The following TBCD variants were observed in gnomAD, a reference collection of about 807,000 sequenced individuals.
TBCD encodes the protein tubulin-specific chaperone D.
Under a neutral mutation model 169.3 loss-of-function variants are expected in TBCD, and 105 were observed. The ratio of observed to expected loss-of-function variants is 0.62; its 90% CI spans 0.53 to 0.73. TBCD has a LOEUF of 0.73. Ranked by LOEUF, TBCD falls within the 30% of genes least tolerant of loss-of-function variation. The pLI, the probability that TBCD is intolerant of heterozygous loss-of-function variation, is 0.00. For synonymous variants in TBCD, 700 were observed against 643.9 expected, an observed-to-expected ratio of 1.09 and a Z score of -1.32; for missense variants, 1,444 against 1,600.1, an observed-to-expected ratio of 0.90 and a Z score of 1.66.
Position 82,930,549 on chromosome 17 carries a change from G to A in TBCD, c.3019G>A (p.Glu1007Lys). The A allele has an allele frequency of 6.2e-7, 1 of 1,613,726 alleles. No homozygotes were observed. The highest frequency in any genetic ancestry group is 8.5e-7 in the Non-Finnish European group (1 of 1,179,824). The part of the protein sequence containing the change: ...TIRHSTQSLF[E>K]YMKGIQSDPQ... Reference sequence around the variant, plus strand: ...CCGGCACTCCACCCAGAGCCTCTTTGAGTACATGAAGGGCATTCAGAGCGA... The same window carrying A: ...CCGGCACTCCACCCAGAGCCTCTTTAAGTACATGAAGGGCATTCAGAGCGA... The change falls in exon 33 of 39, where the codon GAG becomes AAG. Residue 1007 changes from glutamate (E) to lysine (K), a missense_variant. Transcript: ENST00000355528. The surrounding 1 kb of genome is among the most constrained non-coding windows in gnomAD (Gnocchi z 5.2).
chr17:82,871,188 A>G (rs2145978242), intron 14 of TBCD, among the ~76,000 whole-genome samples: 1 of 149,990 alleles, frequency 6.7e-6, no homozygotes, highest in South Asian at 2.1e-4. Context: ...GTCCTGTGCC[A>G]GGGACTTTCA....
intron 13 of TBCD, among the ~76,000 whole-genome samples, chr17:82,822,547 G>A (rs573586641): frequency 1.3e-5 from 2 of 152,288 alleles, no homozygotes; most frequent in Admixed American, 6.5e-5. Context: ...GCGCCTGGGG[G>A]CCAGATCCTA....
chr17:82,921,441 TTGTTTTTGATTTCATGG>T, intron 24 of TBCD, 43 bp from the exon 25 acceptor site: 1 of 1,380,864 alleles, frequency 7.2e-7, no homozygotes, highest in Non-Finnish European at 1.0e-6. Context: ...GTTTTTGCTG[TTGTTTTTGATTTCATGG>T]TGTTTTTGAT....
At chr17:82,804,331 C>T (rs2050797193) in intron 9 of TBCD, among the ~76,000 whole-genome samples, 1 of 152,158 alleles carries the variant, frequency 6.6e-6, no homozygotes, top group Non-Finnish European at 1.5e-5. Context: ...ACTTTTTCCT[C>T]ACAGTTTTGG....
rs541755176 is a variant in TBCD, at chr17:82,864,825, C to T, written c.1319-5399C>T. 1.9e-4 allele frequency among the ~76,000 whole-genome samples: 15 copies of T among 79,580 alleles called. No homozygotes were observed. The highest frequency in any genetic ancestry group is 4.1e-4 in the Admixed American group (3 of 7,336). 52.2% of individuals were successfully genotyped at this position (79,580 alleles called of 152,430 possible). ...CTGGGATCACCACTCCCCGGGGCAC[C>T]GTGGGGACAGCGGGGGCCTGCTCAC... is the stretch of plus-strand genomic sequence containing the variant. On this transcript the variant is annotated intron_variant, in intron 13 of 38. Transcript: ENST00000355528. The surrounding 1 kb of genome is among the most constrained non-coding windows in gnomAD (Gnocchi z 6.3).
Position 82,925,964 on chromosome 17 carries a change from CCGT to C in TBCD, c.2380-435_2380-433del, listed in dbSNP as rs1568061039. On this transcript the variant is annotated intron_variant, in intron 27 of 38. Transcript: ENST00000355528. ...TGTCCTTCCTGGGTTGTACTGGGGG[CCGT>C]GGAGAGGCTGGAGGTGACCTCTCCC... Among the ~76,000 whole-genome samples, 919 of 126,654 alleles carry C rather than the reference CCGT, an allele frequency of 7.3e-3. 76 individuals are homozygous for C. Among genetic ancestry groups the C allele is most frequent in the Middle Eastern group, 0.012 (3 of 248 alleles). 83.1% of individuals were successfully genotyped at this position (126,654 alleles called of 152,430 possible).
At chr17:82,932,769 TTAAGCC>T (rs751414301) in intron 34 of TBCD, 34 bp downstream of exon 34, 6 of 1,605,950 alleles carry the variant, frequency 3.7e-6, no homozygotes, top group Non-Finnish European at 5.1e-6. Context: ...TCCTTTCCGA[TTAAGCC>T]TAAGTAGCTC....
intron 13 of TBCD, chr17:82,859,960 C>A: frequency 1.1e-6 from 1 of 915,740 alleles, no homozygotes; most frequent in Non-Finnish European, 1.3e-6. Context: ...GCCTCGTGGT[C>A]CTGCTCTTGG....
intron 35 of TBCD, 57 bp downstream of exon 35, chr17:82,937,417 C>CT: frequency 6.6e-7 from 1 of 1,524,872 alleles, no homozygotes; most frequent in Non-Finnish European, 9.1e-7. Context: ...CCTCCCTTGG[C>CT]TGAGGGCAGG....
At chr17:82,774,541 C>G (rs1253967572) in intron 6 of TBCD, among the ~76,000 whole-genome samples, 1 of 152,238 alleles carries the variant, frequency 6.6e-6, no homozygotes, top group Non-Finnish European at 1.5e-5. Flanking sequence ...GTCATCATGG[C>G]CCGTTCTCAA....
intron 1 of TBCD, 77 bp from the exon 2 acceptor site, chr17:82,756,088 G>T: frequency 1.5e-6 from 2 of 1,334,730 alleles, no homozygotes; most frequent in South Asian, 1.3e-5. Context: ...AAGCTAGCAA[G>T]GGAAAATGGG....
intron 34 of TBCD, among the ~76,000 whole-genome samples, chr17:82,935,898 C>T (rs1475652521): frequency 6.6e-6 from 1 of 152,254 alleles, no homozygotes; most frequent in Non-Finnish European, 1.5e-5. Flanking sequence ...TGGATTTCCT[C>T]GAGTGGGGTC....
intron 1 of TBCD, among the ~76,000 whole-genome samples, chr17:82,753,173 T>C (rs1014505135): frequency 6.6e-6 from 1 of 152,184 alleles, no homozygotes; most frequent in African/African-American, 2.4e-5. Flanking sequence ...TTATTTGGCC[T>C]TCCTCATTTT....
intron 15 of TBCD, among the ~76,000 whole-genome samples, chr17:82,886,885 G>T (rs1421118184): frequency 1.3e-5 from 2 of 151,276 alleles, no homozygotes; most frequent in Admixed American, 6.6e-5. Flanking sequence ...GGCCAGGATG[G>T]TCTCGAACTC....
At chr17:82,928,335 C>G (rs1007167958) in intron 30 of TBCD, among the ~76,000 whole-genome samples, 1 of 152,228 alleles carries the variant, frequency 6.6e-6, no homozygotes, top group Admixed American at 6.5e-5. Flanking sequence ...GGACCCTGAA[C>G]CTGGGGGTCT....
intron 9 of TBCD, among the ~76,000 whole-genome samples, chr17:82,803,470 A>G (rs975990917): frequency 2.0e-5 from 3 of 152,090 alleles, no homozygotes; most frequent in Admixed American, 2.0e-4. Context: ...ATCCAAGGGA[A>G]TTTTTGGGCA....
chr17:82,756,092 A>G, intron 1 of TBCD, 73 bp from the exon 2 acceptor site: 2 of 1,370,974 alleles, frequency 1.5e-6, no homozygotes, highest in Admixed American at 3.9e-5. Context: ...TAGCAAGGGA[A>G]AATGGGGTTT....
chr17:82,789,951 C>T lies in TBCD; in HGVS notation c.772-7806C>T, dbSNP rs747441636. On this transcript the variant is annotated intron_variant, in intron 7 of 38. Transcript: ENST00000355528. This position sits in a 1 kb window ranked among gnomAD's most constrained non-coding sequence, Gnocchi z 4.8. ...ACGGCCCAGGAGCCGGGCTCATCCC[C>T]GAGACGCCGTGTTCCCTCCCGCTGT... is the stretch of plus-strand genomic sequence containing the variant. Among the ~76,000 whole-genome samples the T allele has an allele frequency of 6.6e-6, 1 of 152,206 alleles. No homozygotes were observed. The highest frequency in any genetic ancestry group is 1.5e-5 in the Non-Finnish European group (1 of 68,046).
intron 21 of TBCD, chr17:82,908,550 A>G (rs1490595409): frequency 6.2e-6 from 2 of 322,328 alleles, no homozygotes; most frequent in African/African-American, 2.2e-5. Flanking sequence ...TTTAAGATTC[A>G]GCTCGGATTC....
Sources: gnomAD v4.1 joint callset for allele counts (sites outside exome capture counted in the v4.1 genomes callset) on GRCh38, gnomAD v4.1.1 for gene constraint, Gnocchi (gnomAD v3.1) non-coding constraint, MANE v1.5 for transcripts, NCBI Gene and HGNC (gene_info 2026-07-23, HGNC 2026-07-21) for gene names.